PCDH7: variants seen among roughly 807,000 people sequenced by gnomAD.
PCDH7 encodes the protein protocadherin 7.
Under a neutral mutation model 58.9 loss-of-function variants are expected in PCDH7, and 17 were observed. The ratio of observed to expected loss-of-function variants is 0.29; its 90% CI spans 0.20 to 0.43. The LOEUF is 0.43. PCDH7 is among the 20% of genes least tolerant of loss of function. The pLI is 1.00. For synonymous variants in PCDH7, 664 were observed against 616.4 expected (o/e 1.08, Z -1.14); for missense variants, 1,274 against 1,441.0 (o/e 0.88, Z 1.88).
In PCDH7 at chr4:31,077,048, A is replaced by T. The variant is rs75635754; in HGVS notation, c.*8-65425A>T. On this transcript the variant is annotated intron_variant, in intron 3 of 3. Transcript: ENST00000509759. The stretch of plus-strand genomic sequence containing the variant: ...AGAAAAAAAAAGAAAAATTGTAATG[A>T]TTGGAAATGTTATCATATATGCATA... Among the ~76,000 whole-genome samples, 527 of 152,272 alleles carry T rather than the reference A, an allele frequency of 3.5e-3. 2 individuals are homozygous for T. The highest frequency in any genetic ancestry group is 0.012 in the African/African-American group (508 of 41,558).
intron 1 of PCDH7, among the ~76,000 whole-genome samples, chr4:30,811,955 G>GT (rs1439880302): frequency 6.6e-6 from 1 of 152,186 alleles, no homozygotes; most frequent in Non-Finnish European, 1.5e-5. Context: ...ACTTGTGAAA[G>GT]TATAGGATGA....
intron 3 of PCDH7, among the ~76,000 whole-genome samples, chr4:31,024,781 G>A (rs1326721170): frequency 6.6e-6 from 1 of 152,032 alleles, no homozygotes; most frequent in Non-Finnish European, 1.5e-5. Context: ...TCACTCTGTT[G>A]CCTAGGCTGG....
chr4:30,726,597 C>G (rs543096175), intron 1 of PCDH7, among the ~76,000 whole-genome samples: 25 of 152,016 alleles, frequency 1.6e-4, no homozygotes, highest in Admixed American at 1.6e-3. Context: ...TGGTGTTAGC[C>G]TTTTAACTGA....
At chr4:30,945,861 G>A (rs78354683) in intron 2 of PCDH7, among the ~76,000 whole-genome samples, 3,957 of 151,970 alleles carry the variant, frequency 0.026, 166 homozygotes, top group African/African-American at 0.089. Flanking sequence ...TAATTCCATC[G>A]GGCCACAGTT....
At chr4:30,900,151 G>A (rs1428393109) in intron 1 of PCDH7, among the ~76,000 whole-genome samples, 3 of 152,142 alleles carry the variant, frequency 2.0e-5, no homozygotes, top group East Asian at 3.9e-4. Context: ...TTGCTATACT[G>A]TGATGTAAGT....
At chr4:30,998,228 C>G (rs1041746566) in intron 3 of PCDH7, among the ~76,000 whole-genome samples, 11 of 152,138 alleles carry the variant, frequency 7.2e-5, no homozygotes, top group African/African-American at 2.7e-4. Context: ...CCAGAACCAA[C>G]AGTAGATCAT....
In PCDH7 at chr4:30,875,501, T is replaced by A. The variant is rs1024051970; in HGVS notation, c.71-44652T>A. Among the ~76,000 whole-genome samples, 6 of 152,208 alleles carry A rather than the reference T, an allele frequency of 3.9e-5. No individual in the cohort carries two copies. The East Asian group carries it at 7.7e-4, about 20-fold the overall frequency. On this transcript the variant is annotated intron_variant, in intron 1 of 3. Transcript: ENST00000509759. ...ATGTTAGAGCTTAGAAATGAGAGAT[T>A]CTAAGAGAATAGTCCAAGTTTACGT...
intron 3 of PCDH7, among the ~76,000 whole-genome samples, chr4:31,082,904 C>A (rs567778831): frequency 2.6e-5 from 4 of 152,122 alleles, no homozygotes; most frequent in African/African-American, 7.2e-5. Flanking sequence ...GTCAGGAGAT[C>A]GAGACCATCC....
intron 1 of PCDH7, among the ~76,000 whole-genome samples, chr4:30,888,471 G>T (rs972275333): frequency 6.6e-6 from 1 of 152,160 alleles, no homozygotes; most frequent in Non-Finnish European, 1.5e-5. Context: ...GATATTTATA[G>T]ACTAGAAGAG....
At chr4:30,848,020 T>C (rs1319128865) in intron 1 of PCDH7, among the ~76,000 whole-genome samples, 1 of 152,186 alleles carries the variant, frequency 6.6e-6, no homozygotes, top group Non-Finnish European at 1.5e-5. Context: ...TGCCTTGATA[T>C]ATGCCTTCTC....
intron 1 of PCDH7, among the ~76,000 whole-genome samples, chr4:30,787,671 A>G (rs1379103059): frequency 6.6e-6 from 1 of 152,046 alleles, no homozygotes; most frequent in Non-Finnish European, 1.5e-5. Flanking sequence ...TTGAGGATGA[A>G]TTGCATGCTG....
intron 1 of PCDH7, among the ~76,000 whole-genome samples, chr4:30,848,396 G>C (rs958577706): frequency 2.6e-5 from 4 of 152,050 alleles, no homozygotes; most frequent in African/African-American, 9.7e-5. Flanking sequence ...ATTTACCACA[G>C]TGCTGGCATA....
intron 3 of PCDH7, among the ~76,000 whole-genome samples, chr4:31,088,139 G>A (rs1313197783): frequency 6.6e-6 from 1 of 151,928 alleles, no homozygotes; most frequent in African/African-American, 2.4e-5. Context: ...AAAAAGCCAT[G>A]GTACCTTTTG....
At chr4:30,920,848 A>G (rs1743102215) in intron 2 of PCDH7, among the ~76,000 whole-genome samples, 1 of 152,168 alleles carries the variant, frequency 6.6e-6, no homozygotes, top group Non-Finnish European at 1.5e-5. Context: ...TCCTATGATC[A>G]CTGAATAGGG....
At chr4:30,867,465 T>C (rs564431105) in intron 1 of PCDH7, among the ~76,000 whole-genome samples, 2 of 152,112 alleles carry the variant, frequency 1.3e-5, no homozygotes, top group Non-Finnish European at 2.9e-5. Context: ...CAAGGAAGAA[T>C]GAAAGCCTCT....
At chr4:30,783,737 C>G (rs1244397796) in intron 1 of PCDH7, among the ~76,000 whole-genome samples, 1 of 152,126 alleles carries the variant, frequency 6.6e-6, no homozygotes, top group African/African-American at 2.4e-5. Context: ...TCTCCTAGCA[C>G]TAGTTACCTA....
chr4:30,889,802 C>G (rs185833852), intron 1 of PCDH7, among the ~76,000 whole-genome samples: 1 of 152,296 alleles, frequency 6.6e-6, no homozygotes, highest in East Asian at 1.9e-4. Context: ...GGTTCCATCT[C>G]TTAATACCAT....
chr4:30,849,854 A>G (rs1485576301), intron 1 of PCDH7, among the ~76,000 whole-genome samples: 1 of 152,082 alleles, frequency 6.6e-6, no homozygotes, highest in African/African-American at 2.4e-5. Flanking sequence ...GTAGAGACAT[A>G]TCTGTGTTAG....
At chr4:30,992,793 C>CT (rs577504420) in intron 3 of PCDH7, among the ~76,000 whole-genome samples, 4,691 of 95,636 alleles carry the variant, frequency 0.049, 451 homozygotes, top group African/African-American at 0.16. Context: ...CTGTCCCATT[C>CT]TTTTTTTTTT....
Sources: allele counts gnomAD v4.1 joint callset (sites outside exome capture counted in the v4.1 genomes callset), GRCh38; gene constraint gnomAD v4.1.1; transcripts MANE v1.5; gene names NCBI Gene and HGNC (gene_info 2026-07-23, HGNC 2026-07-21).